METTL15: variants seen among roughly 807,000 people sequenced by gnomAD.
The protein encoded by METTL15 is 12S rRNA N(4)-cytidine methyltransferase METTL15.
Under a neutral mutation model 38.3 loss-of-function variants are expected in METTL15, and 34 were observed. The ratio of observed to expected loss-of-function variants is 0.89; its 90% confidence interval spans 0.68 to 1.18. METTL15 has a LOEUF of 1.18. Ranked by LOEUF, METTL15 falls within the 50% of genes most tolerant of loss-of-function variation. The probability of loss-of-function intolerance (pLI) is 0.00; values close to 1 mark genes in which losing one functional copy is unlikely to be tolerated. For synonymous variants in METTL15, 162 were observed against 170.9 expected (o/e 0.95, Z 0.41); for missense variants, 438 against 498.4 (o/e 0.88, Z 1.15).
At chr11:28,464,167 G>A (rs1192569459) in intron 6 of METTL15, among the ~76,000 whole-genome samples, 2 of 152,114 alleles carry the variant, frequency 1.3e-5, no homozygotes, top group East Asian at 1.9e-4. Flanking sequence ...CTTAGTTCAT[G>A]TAACACTATC....
intron 4 of METTL15, among the ~76,000 whole-genome samples, chr11:28,269,074 T>G (rs1190995136): frequency 2.0e-5 from 3 of 152,186 alleles, no homozygotes; most frequent in Non-Finnish European, 4.4e-5. Context: ...CACCAGGCAT[T>G]CTATTTTTAT....
intron 6 of METTL15, among the ~76,000 whole-genome samples, chr11:28,312,379 C>A (rs190676033): frequency 4.6e-5 from 7 of 152,254 alleles, no homozygotes; most frequent in Admixed American, 4.6e-4. Context: ...TGCATAGTCT[C>A]CTGGAAAACA....
At chr11:28,372,516 GA>G (rs1300992750) in intron 5 of METTL15, among the ~76,000 whole-genome samples, 10 of 141,666 alleles carry the variant, frequency 7.1e-5, no homozygotes, top group African/African-American at 1.0e-4. Flanking sequence ...TCAAGTTCTG[GA>G]AAAAAAACCC....
At chr11:28,161,792 T>C (rs1217803215) in intron 3 of METTL15, among the ~76,000 whole-genome samples, 1 of 152,070 alleles carries the variant, frequency 6.6e-6, no homozygotes, top group African/African-American at 2.4e-5. Flanking sequence ...CTGGGATCTT[T>C]TGAATATGTG....
chr11:28,132,499 T>A (rs1565114192), intron 3 of METTL15, among the ~76,000 whole-genome samples: 1 of 151,950 alleles, frequency 6.6e-6, no homozygotes, highest in Non-Finnish European at 1.5e-5. Context: ...AAATAATTTC[T>A]TCTCTCTCTC....
At chr11:28,486,897 A>G (rs1199362294) in intron 6 of METTL15, among the ~76,000 whole-genome samples, 1 of 152,120 alleles carries the variant, frequency 6.6e-6, no homozygotes, top group Non-Finnish European at 1.5e-5. Flanking sequence ...GAGGTCAGCC[A>G]TGGCCACATT....
chr11:28,286,586 T>A (rs1364014728), intron 4 of METTL15, among the ~76,000 whole-genome samples: 1 of 152,050 alleles, frequency 6.6e-6, no homozygotes, highest in Non-Finnish European at 1.5e-5. Flanking sequence ...GGACAAAAGT[T>A]ATAGAAATAG....
chr11:28,226,456 A>T (rs1853481243), intron 4 of METTL15, among the ~76,000 whole-genome samples: 1 of 151,920 alleles, frequency 6.6e-6, no homozygotes, highest in South Asian at 2.1e-4. Flanking sequence ...TTACAAAAAT[A>T]TTTTTTCATA....
At chr11:28,209,579 T>G (rs1376171488) in intron 3 of METTL15, among the ~76,000 whole-genome samples, 1 of 152,068 alleles carries the variant, frequency 6.6e-6, no homozygotes, top group Non-Finnish European at 1.5e-5. Context: ...AAAGCATTGC[T>G]TGTACATTTT....
Position 28,246,703 on chromosome 11 carries a change from G to A in METTL15, c.407+35505G>A, listed in dbSNP as rs573708889. ...CCTGGGGCTTTTATGGGATTGGTAT[G>A]GGATACCAAACAGTACTTCATGCTC... On this transcript the variant is annotated intron_variant, in intron 4 of 6. Transcript: ENST00000407364. 2.0e-5 allele frequency among the ~76,000 whole-genome samples: 3 copies of A among 152,174 alleles called. No individual in the cohort carries two copies. In the East Asian group the frequency reaches 5.8e-4, roughly 29 times the overall value.
intron 3 of METTL15, among the ~76,000 whole-genome samples, chr11:28,130,783 A>G (rs1161803680): frequency 6.6e-6 from 1 of 152,216 alleles, no homozygotes; most frequent in Non-Finnish European, 1.5e-5. Flanking sequence ...GATTTTCTGA[A>G]GTAGAGAGCT....
chr11:28,133,262 C>T (rs1849398484), intron 3 of METTL15, among the ~76,000 whole-genome samples: 1 of 152,116 alleles, frequency 6.6e-6, no homozygotes, highest in Admixed American at 6.5e-5. Flanking sequence ...TTGTAGAATC[C>T]TCTAAAGGGA....
At chr11:28,305,382 G>A (rs1157465432) in intron 6 of METTL15, among the ~76,000 whole-genome samples, 4 of 152,098 alleles carry the variant, frequency 2.6e-5, no homozygotes, top group East Asian at 3.9e-4. Flanking sequence ...CACTTACTGA[G>A]CAAATACTAG....
intron 6 of METTL15, among the ~76,000 whole-genome samples, chr11:28,525,596 A>G (rs1044828533): frequency 2.0e-5 from 3 of 152,186 alleles, no homozygotes; most frequent in Non-Finnish European, 4.4e-5. Context: ...ACAAACCTTG[A>G]GCTAGACACA....
chr11:28,367,555 A>G (rs924794865), intron 5 of METTL15, among the ~76,000 whole-genome samples: 1 of 152,188 alleles, frequency 6.6e-6, no homozygotes, highest in Non-Finnish European at 1.5e-5. Flanking sequence ...TGTTATCCCC[A>G]TCAAGCTATC....
At chr11:28,338,598 G>T (rs990034425) in intron 3 of METTL15, among the ~76,000 whole-genome samples, 1 of 152,112 alleles carries the variant, frequency 6.6e-6, no homozygotes, top group African/African-American at 2.4e-5. Flanking sequence ...GAATGTGCAT[G>T]TAGTGAGGGT....
intron 3 of METTL15, among the ~76,000 whole-genome samples, chr11:28,138,038 A>G (rs1228046678): frequency 6.6e-6 from 1 of 152,198 alleles, no homozygotes; most frequent in Non-Finnish European, 1.5e-5. Context: ...GTAAACAGGT[A>G]TAGCTGGAAG....
chr11:28,297,955 A>G (rs778665474), intron 6 of METTL15, among the ~76,000 whole-genome samples: 14 of 152,100 alleles, frequency 9.2e-5, no homozygotes, highest in Non-Finnish European at 1.9e-4. Context: ...TAGAGATCAC[A>G]TAGCAATTGT....
chr11:28,173,469 GA>G (rs1167172171), intron 3 of METTL15, among the ~76,000 whole-genome samples: 1 of 152,164 alleles, frequency 6.6e-6, no homozygotes, highest in African/African-American at 2.4e-5. Context: ...AGAACTGCAA[GA>G]AATAAATTTC....
Sources: allele counts gnomAD v4.1 joint callset (sites outside exome capture counted in the v4.1 genomes callset), GRCh38; gene constraint gnomAD v4.1.1; transcripts MANE v1.5; gene names NCBI Gene and HGNC (gene_info 2026-07-23, HGNC 2026-07-21).